The following PALLD variants were observed in gnomAD, a reference collection of about 807,000 sequenced individuals.
PALLD encodes the protein palladin.
PALLD carries 61 observed loss-of-function variants against 123.5 expected under a neutral mutation model. That is an observed-to-expected ratio of 0.49 (90% CI 0.40 to 0.61). The LOEUF (loss-of-function observed/expected upper bound fraction) is 0.61. Ranked by LOEUF, PALLD falls within the 20% of genes least tolerant of loss-of-function variation. The pLI is 0.00. For synonymous variants in PALLD, 465 were observed against 496.4 expected (o/e 0.94, Z 0.84); for missense variants, 1,273 against 1,377.0 (o/e 0.92, Z 1.20).
At chr4:168,766,984 A>G (rs994041754) in intron 10 of PALLD, among the ~76,000 whole-genome samples, 3 of 152,182 alleles carry the variant, frequency 2.0e-5, no homozygotes, top group African/African-American at 7.2e-5. Context: ...AAACATCTCA[A>G]GATACTGTAA....
chr4:168,710,004 A>ATACTTATT (rs1784681264), intron 9 of PALLD, among the ~76,000 whole-genome samples: 1 of 152,132 alleles, frequency 6.6e-6, no homozygotes, highest in Non-Finnish European at 1.5e-5. Context: ...ACTTGTACAA[A>ATACTTATT]TAAGCCATTG....
intron 2 of PALLD, among the ~76,000 whole-genome samples, chr4:168,637,322 A>G (rs1384358402): frequency 1.3e-5 from 2 of 152,086 alleles, no homozygotes; most frequent in African/African-American, 2.4e-5. Context: ...CTGGTGTACC[A>G]GTTAGTGTCT....
chr4:168,926,456 T>A lies in PALLD; in HGVS notation c.*276T>A. 1 of 1,101,532 alleles carries A rather than the reference T, an allele frequency of 9.1e-7. No homozygotes were observed. The highest frequency in any genetic ancestry group is 1.3e-6 in the Non-Finnish European group (1 of 759,772). The allele number at this position is 1,101,532 out of a possible 1,614,324, so 68.2% of individuals were successfully genotyped here. A position where few individuals can be genotyped will look rare whatever the true frequency, so the allele number is the denominator to read the frequency against. ...TGACCAACATATTCCTTTGTCACATTATGTAAAAGGCAGAAACATACCTTT... is the reference window on the plus strand; with the variant it reads ...TGACCAACATATTCCTTTGTCACATAATGTAAAAGGCAGAAACATACCTTT... On this transcript the variant is annotated 3_prime_UTR_variant, in exon 22 of 22. Transcript: ENST00000505667.
intron 10 of PALLD, among the ~76,000 whole-genome samples, chr4:168,773,188 A>T (rs778994600): frequency 3.3e-5 from 5 of 152,226 alleles, no homozygotes; most frequent in African/African-American, 4.8e-5. Context: ...TAACAATAAC[A>T]GTGAAATTAA....
Position 168,769,514 on chromosome 4 carries a change from G to A in PALLD, c.1964+57591G>A, listed in dbSNP as rs79454881. Among the ~76,000 whole-genome samples, 1,309 of 152,254 alleles carry A rather than the reference G, an allele frequency of 8.6e-3. 67 individuals are homozygous for A. In the East Asian group the frequency reaches 0.16, roughly 19 times the overall value. ...CAAAGCCGTTGCCTAGAACTCAACC[G>A]TGGGCTGGCGTTACCCTTTTGAACT... is the stretch of plus-strand genomic sequence containing the variant. On this transcript the variant is annotated intron_variant, in intron 10 of 21. Transcript: ENST00000505667.
At chr4:168,761,763 C>T (rs1202311767) in intron 10 of PALLD, among the ~76,000 whole-genome samples, 4 of 149,468 alleles carry the variant, frequency 2.7e-5, no homozygotes, top group Admixed American at 6.8e-5. Context: ...CCACTGCCTC[C>T]GCCTCCCAAA....
chr4:168,512,416 T>A lies in PALLD; in HGVS notation c.908+4T>A. On this transcript the variant is annotated splice_donor_region_variant and intron_variant, in intron 2 of 21. Transcript: ENST00000505667. The stretch of plus-strand genomic sequence containing the variant: ...GAAACCCCACTCCTCGAGTCAGGTA[T>A]GAATTTTTGTATTATGCATAGCAAA... The A allele has an allele frequency of 6.2e-7, 1 of 1,611,644 alleles. No homozygotes were observed. The highest frequency in any genetic ancestry group is 8.5e-7 in the Non-Finnish European group (1 of 1,178,762).
At chr4:168,876,117 T>C (rs1301029481) in intron 10 of PALLD, among the ~76,000 whole-genome samples, 2 of 152,190 alleles carry the variant, frequency 1.3e-5, no homozygotes, top group African/African-American at 4.8e-5. Context: ...TGGAAGAGTG[T>C]TGATAAACAT....
intron 2 of PALLD, among the ~76,000 whole-genome samples, chr4:168,619,561 G>A (rs1303933392): frequency 6.6e-6 from 1 of 152,192 alleles, no homozygotes; most frequent in Non-Finnish European, 1.5e-5. Flanking sequence ...TGTGATTCAG[G>A]TTGGGCTGAT....
At chr4:168,625,510 T>TATATATATATATAGATAGATAGATAG (rs1775169660) in intron 2 of PALLD, among the ~76,000 whole-genome samples, 3 of 65,102 alleles carry the variant, frequency 4.6e-5, no homozygotes, top group Non-Finnish European at 8.1e-5. Flanking sequence ...GAGATATATA[T>TATATATATATATAGATAGATAGATAG]ATATATATCC....
At chr4:168,505,287 G>A (rs1325951107) in intron 1 of PALLD, among the ~76,000 whole-genome samples, 2 of 152,150 alleles carry the variant, frequency 1.3e-5, no homozygotes, top group East Asian at 3.8e-4. Flanking sequence ...CTGACTACTG[G>A]ATCCTGTCAG....
chr4:168,832,148 CG>C, intron 10 of PALLD: 1 of 985,514 alleles, frequency 1.0e-6, no homozygotes, highest in Non-Finnish European at 1.2e-6. Context: ...CGGGCAGCAG[CG>C]GGAGGCGGCC....
chr4:168,863,114 G>T (rs1368363563), intron 10 of PALLD, among the ~76,000 whole-genome samples: 1 of 152,094 alleles, frequency 6.6e-6, no homozygotes, highest in Non-Finnish European at 1.5e-5. Context: ...GTTCTTTTAC[G>T]CCATTACAGT....
At chr4:168,720,898 AT>A (rs1201279001) in intron 10 of PALLD, among the ~76,000 whole-genome samples, 1 of 152,168 alleles carries the variant, frequency 6.6e-6, no homozygotes, top group African/African-American at 2.4e-5. Context: ...CATCCTCATG[AT>A]TTTTTAATGT....
intron 10 of PALLD, among the ~76,000 whole-genome samples, chr4:168,718,295 A>G (rs978658994): frequency 1.3e-5 from 2 of 152,236 alleles, no homozygotes; most frequent in Non-Finnish European, 2.9e-5. Flanking sequence ...TTGAAAAGCA[A>G]AGCAAAATAA....
chr4:168,513,099 C>A (rs1286989641), intron 2 of PALLD, among the ~76,000 whole-genome samples: 1 of 151,376 alleles, frequency 6.6e-6, no homozygotes. Flanking sequence ...ATACAAGAAA[C>A]AAAAACCAAA....
chr4:168,744,945 T>C (rs1055607851), intron 10 of PALLD, among the ~76,000 whole-genome samples: 14 of 152,182 alleles, frequency 9.2e-5, no homozygotes, highest in Admixed American at 5.2e-4. Flanking sequence ...TCTCAACTTA[T>C]GATATTTTCA....
At chr4:168,499,590 CT>C (rs532906111) in intron 1 of PALLD, among the ~76,000 whole-genome samples, 3 of 152,018 alleles carry the variant, frequency 2.0e-5, no homozygotes, top group Non-Finnish European at 4.4e-5. Flanking sequence ...TCACTTATAA[CT>C]TTTTTTCAAA....
At chr4:168,893,322 C>T (rs2151205957) in intron 11 of PALLD, among the ~76,000 whole-genome samples, 1 of 152,314 alleles carries the variant, frequency 6.6e-6, no homozygotes, top group Admixed American at 6.5e-5. Flanking sequence ...ATGCTTCATG[C>T]CGCCCTCAGA....
Sources: allele counts gnomAD v4.1 joint callset (sites outside exome capture counted in the v4.1 genomes callset), GRCh38; gene constraint gnomAD v4.1.1; transcripts MANE v1.5; gene names NCBI Gene and HGNC (gene_info 2026-07-23, HGNC 2026-07-21).